SMIM10L2A: variants seen among roughly 807,000 people sequenced by gnomAD.
The protein encoded by SMIM10L2A is small integral membrane protein 10-like protein 2A.
SMIM10L2A carries 2 observed loss-of-function variants against 3.0 expected under a neutral mutation model. That is an observed-to-expected ratio of 0.66 (90% CI 0.27 to 2.08). SMIM10L2A has a LOEUF of 2.08. Ranked by LOEUF, SMIM10L2A falls within the 30% of genes most tolerant of loss-of-function variation. The pLI is 0.14. For missense variants in SMIM10L2A, 59 were observed against 66.5 expected (o/e 0.89, Z 0.39); for synonymous variants, 29 against 34.8 (o/e 0.83, Z 0.58).
rs2085151803 is a variant in SMIM10L2A, at chrX:135,426,125, A to G, written c.*2855A>G. 1 of 112,054 alleles carries G rather than the reference A, an allele frequency of 8.9e-6. No homozygotes were observed. Among genetic ancestry groups the G allele is most frequent in the African/African-American group, 3.3e-5 (1 of 30,761 alleles). The allele number at this position is 112,054 out of a possible 1,213,427, so 9.2% of individuals were successfully genotyped here. ...GGGTGGACTAGGGTGAAGTGAACTG[A>G]AACAGACTCGACACAGGTCATTTTG... On this transcript the variant is annotated 3_prime_UTR_variant, in exon 2 of 2. Coordinates refer to ENST00000417443, the MANE Select transcript of SMIM10L2A (RefSeq NM_203306.3).
chrX:135,422,250 T>C lies in SMIM10L2A; in HGVS notation c.119T>C (p.Leu40Pro). Residue 40 changes from leucine (L) to proline (P), a missense_variant, in exon 1 of 2, where the codon CTC (leucine) becomes CCC (proline). Leu to Pro is a moderately conservative substitution (Grantham distance 98). Transcript: ENST00000417443. The stretch of plus-strand genomic sequence containing the variant: ...TCGTACGGCGCCTTCTGCAAGGGGC[T>C]CACGCGCACGCTGCTCACCTTCTTC... ...RGSYGAFCKG[L>P]TRTLLTFFDL... is the part of the protein sequence containing the mutation. 9.2e-7 allele frequency: 1 copy of C among 1,088,596 alleles called. No individual in the cohort carries two copies. 89.7% of individuals were successfully genotyped at this position (1,088,596 alleles called of 1,213,427 possible). A position where few individuals can be genotyped will look rare whatever the true frequency, so the allele number is the denominator to read the frequency against.
In SMIM10L2A at chrX:135,423,635, A is replaced by G. The variant is rs1410941034; in HGVS notation, c.*365A>G. On this transcript the variant is annotated splice_region_variant and 3_prime_UTR_variant, in exon 2 of 2. Coordinates refer to ENST00000417443, the MANE Select transcript of SMIM10L2A (RefSeq NM_203306.3). ...CCATCTCTTTCTTTCTCTTTCAGGCATTGGCATTTGTAGGCGGTGACCCGC... is the reference window on the plus strand; with the variant it reads ...CCATCTCTTTCTTTCTCTTTCAGGCGTTGGCATTTGTAGGCGGTGACCCGC... 1 of 113,856 alleles carries G rather than the reference A, an allele frequency of 8.8e-6. No homozygotes were observed. Among genetic ancestry groups the G allele is most frequent in the Non-Finnish European group, 1.9e-5 (1 of 53,526 alleles). The allele number at this position is 113,856 out of a possible 1,213,427, so 9.4% of individuals were successfully genotyped here.
rs1166165468 is a variant in SMIM10L2A, at chrX:135,422,306, C to T, written c.175C>T (p.Pro59Ser). ...DLAWRLRMNF[P>S]YFYIVASVML... Reference sequence around the variant, plus strand: ...GGCCTGGCGGCTGCGCATGAACTTCCCCTACTTCTACATCGTGGCCTCGGT... The same window carrying T: ...GGCCTGGCGGCTGCGCATGAACTTCTCCTACTTCTACATCGTGGCCTCGGT... Residue 59 changes from proline to serine, a missense_variant, in exon 1 of 2, where the codon CCC (proline) becomes TCC (serine). Physicochemically the swap from Pro to Ser is moderately conservative, Grantham distance 74. Coordinates refer to ENST00000417443, the MANE Select transcript of SMIM10L2A (RefSeq NM_203306.3). 6.1e-6 allele frequency: 6 copies of T among 984,751 alleles called. No homozygotes were observed. Among genetic ancestry groups the T allele is most frequent in the African/African-American group, 4.0e-5 (2 of 50,230 alleles). 81.2% of individuals were successfully genotyped at this position (984,751 alleles called of 1,213,427 possible).
In SMIM10L2A at chrX:135,427,904, C is replaced by T. The variant is rs1244291210; in HGVS notation, c.*4634C>T. 9.0e-6 allele frequency: 1 copy of T among 111,546 alleles called. No individual in the cohort carries two copies. Among genetic ancestry groups the T allele is most frequent in the Admixed American group, 9.5e-5 (1 of 10,521 alleles). The allele number at this position is 111,546 out of a possible 1,213,427, so 9.2% of individuals were successfully genotyped here. ...AATGCTGTGGCATAGTCATCAATTC[C>T]TTGATATATATTCCTAGAAAGTGCA... On this transcript the variant is annotated 3_prime_UTR_variant, in exon 2 of 2. Coordinates refer to ENST00000417443, the MANE Select transcript of SMIM10L2A (RefSeq NM_203306.3).
chrX:135,423,334 C>T (rs1416747705), intron 1 of SMIM10L2A, among the ~76,000 whole-genome samples: 5 of 112,468 alleles, frequency 4.4e-5, no homozygotes, highest in Non-Finnish European at 9.4e-5. Context: ...GCATTCCTAC[C>T]GTCCCCTCCC....
At position 135,426,450 on chromosome X, in the gene SMIM10L2A, G is replaced by A. The variant is rs1799788721; in HGVS notation, c.*3180G>A. ...CTGGGTGGGGGTGGGGAGGCATCCT[G>A]AGGACACAGGGCTATGCTCAGACTT... On this transcript the variant is annotated 3_prime_UTR_variant, in exon 2 of 2. Coordinates refer to ENST00000417443, the MANE Select transcript of SMIM10L2A (RefSeq NM_203306.3). 8.9e-6 allele frequency: 1 copy of A among 112,051 alleles called. No homozygotes were observed. The highest frequency in any genetic ancestry group is 1.9e-5 in the Non-Finnish European group (1 of 53,091). 9.2% of individuals were successfully genotyped at this position (112,051 alleles called of 1,213,427 possible). A position where few individuals can be genotyped will look rare whatever the true frequency, so the allele number is the denominator to read the frequency against.
In SMIM10L2A at chrX:135,425,099, T is replaced by C. The variant is rs1556471252; in HGVS notation, c.*1829T>C. ...CCTTTCAAACCCTGGTGTCACCCTCTGGGTGACTGGATCCCCAGCTCCAGC... is the reference window on the plus strand; with the variant it reads ...CCTTTCAAACCCTGGTGTCACCCTCCGGGTGACTGGATCCCCAGCTCCAGC... On this transcript the variant is annotated 3_prime_UTR_variant, in exon 2 of 2. Coordinates refer to ENST00000417443, the MANE Select transcript of SMIM10L2A (RefSeq NM_203306.3). 1.8e-5 allele frequency: 2 copies of C among 111,547 alleles called. No individual in the cohort carries two copies. The highest frequency in any genetic ancestry group is 3.8e-5 in the Non-Finnish European group (2 of 52,871). 9.2% of individuals were successfully genotyped at this position (111,547 alleles called of 1,213,427 possible).
Sources: allele counts gnomAD v4.1 joint callset (sites outside exome capture counted in the v4.1 genomes callset), GRCh38; gene constraint gnomAD v4.1.1; transcripts MANE v1.5; gene names NCBI Gene and HGNC (gene_info 2026-07-23, HGNC 2026-07-21).